Variants in SPMIP2 observed in about 807,000 individuals in gnomAD.
SPMIP2 encodes sperm microtubule inner protein 2.
At chr4:158,913,453 C>A in the SPMIP2 span, among the ~76,000 whole-genome samples, 1 of 151,958 alleles carries the variant, frequency 6.6e-6, no homozygotes, top group Admixed American at 6.6e-5. Context: ...CAAACTTGGG[C>A]TCAAGTGATT....
the SPMIP2 span, among the ~76,000 whole-genome samples, chr4:158,955,547 A>C: frequency 1.4e-4 from 22 of 152,284 alleles, no homozygotes; most frequent in African/African-American, 5.3e-4. Flanking sequence ...CTGGGATCGC[A>C]GGCATGCACA....
the SPMIP2 span, among the ~76,000 whole-genome samples, chr4:158,927,709 C>T: frequency 2.0e-5 from 3 of 152,230 alleles, no homozygotes; most frequent in Admixed American, 6.5e-5. Flanking sequence ...GAGGGAGAGG[C>T]GCCAGTGGGA....
the SPMIP2 span, among the ~76,000 whole-genome samples, chr4:158,931,509 G>A: frequency 3.9e-5 from 6 of 151,908 alleles, no homozygotes; most frequent in African/African-American, 7.3e-5. Context: ...CACCTGCCTC[G>A]GTCTCCCAAA....
chr4:159,035,736 CA>C, the SPMIP2 span, among the ~76,000 whole-genome samples: 1 of 152,204 alleles, frequency 6.6e-6, no homozygotes, highest in Non-Finnish European at 1.5e-5. Flanking sequence ...AGCCTTTACA[CA>C]TACAATTTGC....
the SPMIP2 span, among the ~76,000 whole-genome samples, chr4:159,045,870 G>C: frequency 2.6e-5 from 4 of 152,160 alleles, no homozygotes; most frequent in East Asian, 5.8e-4. Flanking sequence ...CTGATTCCAG[G>C]CTCTCTCACA....
the SPMIP2 span, among the ~76,000 whole-genome samples, chr4:158,982,729 T>C: frequency 6.6e-6 from 1 of 152,154 alleles, no homozygotes; most frequent in Admixed American, 6.5e-5. Context: ...AAGCAGTGTT[T>C]AGAGGGAAAT....
the SPMIP2 span, chr4:158,904,825 C>G: frequency 2.6e-6 from 1 of 384,248 alleles, no homozygotes; most frequent in East Asian, 5.0e-5. Context: ...AACATAAGCA[C>G]TAAACACTAA....
the SPMIP2 span, among the ~76,000 whole-genome samples, chr4:158,948,447 C>A: frequency 2.5e-3 from 377 of 152,268 alleles, 1 homozygote; most frequent in African/African-American, 8.6e-3. Flanking sequence ...GGCCCAGTGT[C>A]TTCTAGAGTC....
At chr4:159,023,504 G>A in the SPMIP2 span, among the ~76,000 whole-genome samples, 437 of 152,164 alleles carry the variant, frequency 2.9e-3, 2 homozygotes, top group African/African-American at 9.8e-3. Context: ...CTGTAGTTAC[G>A]TCACTTCATC....
chr4:158,930,860 A>AT, the SPMIP2 span, among the ~76,000 whole-genome samples: 1 of 152,154 alleles, frequency 6.6e-6, no homozygotes, highest in Non-Finnish European at 1.5e-5. Flanking sequence ...TACTCTCCAG[A>AT]TTCTCTGTCT....
the SPMIP2 span, among the ~76,000 whole-genome samples, chr4:158,982,405 A>G: frequency 2.9e-4 from 44 of 152,304 alleles, no homozygotes; most frequent in Admixed American, 2.0e-3. Flanking sequence ...CTCCACCCCA[A>G]ATCAATAGAA....
the SPMIP2 span, chr4:158,905,844 C>G: frequency 6.6e-6 from 1 of 152,160 alleles, no homozygotes; most frequent in South Asian, 2.1e-4. Context: ...GCTAGCAAAG[C>G]AAAACATCTT....
the SPMIP2 span, among the ~76,000 whole-genome samples, chr4:158,928,661 G>A: frequency 7.9e-4 from 121 of 152,272 alleles, 1 homozygote; most frequent in African/African-American, 2.6e-3. Flanking sequence ...GTGGCAACCC[G>A]CTCGGGTACC....
At chr4:158,953,459 C>G in the SPMIP2 span, among the ~76,000 whole-genome samples, 1 of 152,208 alleles carries the variant, frequency 6.6e-6, no homozygotes, top group Non-Finnish European at 1.5e-5. Context: ...AACTCCCAGG[C>G]AGAAGTTTTC....
the SPMIP2 span, among the ~76,000 whole-genome samples, chr4:158,919,146 G>A: frequency 2.0e-5 from 3 of 152,276 alleles, no homozygotes; most frequent in South Asian, 2.1e-4. Flanking sequence ...CCCCAAGTAC[G>A]TAAGTGTGTA....
At chr4:159,064,408 C>T in the SPMIP2 span, 1 of 152,094 alleles carries the variant, frequency 6.6e-6, no homozygotes, top group Non-Finnish European at 1.5e-5. Context: ...CAACATCTTC[C>T]ATTTTAATGT....
the SPMIP2 span, chr4:159,026,585 T>C: frequency 2.3e-6 from 1 of 438,004 alleles, no homozygotes; most frequent in Non-Finnish European, 4.2e-6. Context: ...CTCAGTTCAA[T>C]GGGCAAATCT....
chr4:158,979,806 T>G, the SPMIP2 span, among the ~76,000 whole-genome samples: 3 of 148,746 alleles, frequency 2.0e-5, no homozygotes, highest in Non-Finnish European at 4.5e-5. Context: ...TTTTTTTTTT[T>G]TTTTTTTTCA....
the SPMIP2 span, chr4:158,973,195 A>G: frequency 6.2e-7 from 1 of 1,613,654 alleles, no homozygotes; most frequent in Middle Eastern, 1.6e-4. Context: ...CTTCTATTTG[A>G]GGCAGGCCTC....
Sources: gnomAD v4.1 joint callset for allele counts (sites outside exome capture counted in the v4.1 genomes callset) on GRCh38, gnomAD v4.1.1 for gene constraint, MANE v1.5 for transcripts, NCBI Gene and HGNC (gene_info 2026-07-23, HGNC 2026-07-21) for gene names.